SYNE2: variants seen among roughly 807,000 people sequenced by gnomAD.
SYNE2 encodes spectrin repeat containing nuclear envelope protein 2, also known as nesprin-2.
In SYNE2, 431 loss-of-function variants were observed where a neutral mutation model predicts 856.3. The ratio of observed to expected loss-of-function variants is 0.50; its 90% CI spans 0.47 to 0.55. The LOEUF (loss-of-function observed/expected upper bound fraction) is 0.55. SYNE2 is among the 20% of genes least tolerant of loss of function. The probability of loss-of-function intolerance (pLI) is 0.00; values close to 1 mark genes in which losing one functional copy is unlikely to be tolerated. For missense variants in SYNE2, 8,129 were observed against 8,023.2 expected, an observed-to-expected ratio of 1.01 and a Z score of -0.50; for synonymous variants, 2,923 against 2,872.3, an observed-to-expected ratio of 1.02 and a Z score of -0.56.
chr14:63,971,283 T>A (rs891062134), intron 11 of SYNE2, among the ~76,000 whole-genome samples: 4 of 151,958 alleles, frequency 2.6e-5, no homozygotes, highest in African/African-American at 7.3e-5. Context: ...ACTTAATTTC[T>A]TTTGTATTTT....
intron 54 of SYNE2, among the ~76,000 whole-genome samples, chr14:64,077,262 C>T (rs370134108): frequency 1.3e-5 from 2 of 152,076 alleles, no homozygotes; most frequent in East Asian, 3.8e-4. Flanking sequence ...ATGATCTGTC[C>T]TAATGTATCT....
chr14:64,081,432 C>G lies in SYNE2; in HGVS notation c.11347-11C>G. 1.9e-6 allele frequency: 3 copies of G among 1,614,148 alleles called. No individual in the cohort carries two copies. The highest frequency in any genetic ancestry group is 2.5e-6 in the Non-Finnish European group (3 of 1,180,012). On this transcript the variant is annotated splice_polypyrimidine_tract_variant and intron_variant, in intron 56 of 115. Coordinates refer to ENST00000555002, the MANE Select transcript of SYNE2 (RefSeq NM_182914.3). ...CATCTGACTAAGTTTGGTCCTGCAT[C>G]TCTTTCCCAGGCCACAGTTAAGATG...
At chr14:63,780,431 G>A (rs944804863) in intron 1 of SYNE2, among the ~76,000 whole-genome samples, 2 of 152,150 alleles carry the variant, frequency 1.3e-5, no homozygotes, top group Non-Finnish European at 2.9e-5. Flanking sequence ...CTGCTTGGGA[G>A]GCTGAGGCAG....
At chr14:63,885,662 C>T (rs1290863343) in intron 1 of SYNE2, among the ~76,000 whole-genome samples, 14 of 152,124 alleles carry the variant, frequency 9.2e-5, no homozygotes, top group Admixed American at 5.2e-4. Context: ...ACTGCAGTGG[C>T]GTGATCATAG....
intron 1 of SYNE2, among the ~76,000 whole-genome samples, chr14:63,884,830 T>C (rs994609044): frequency 3.3e-5 from 5 of 151,944 alleles, no homozygotes; most frequent in South Asian, 2.1e-4. Context: ...TTAGTAGAGA[T>C]GGGGTTTCAC....
chr14:64,128,734 T>C (rs1188399861), intron 74 of SYNE2, among the ~76,000 whole-genome samples, 181 bp downstream of exon 74: 1 of 152,220 alleles, frequency 6.6e-6, no homozygotes, highest in Non-Finnish European at 1.5e-5. Context: ...AAGCACAATG[T>C]ATTAAAACAA....
At chr14:63,885,454 A>AGGAT (rs1297392391) in intron 1 of SYNE2, among the ~76,000 whole-genome samples, 2 of 152,170 alleles carry the variant, frequency 1.3e-5, no homozygotes, top group Non-Finnish European at 2.9e-5. Flanking sequence ...CCTTCTCTGA[A>AGGAT]GGATGGCACT....
chr14:64,087,549 A>T, intron 57 of SYNE2, 122 bp from the exon 58 acceptor site: 5 of 1,066,100 alleles, frequency 4.7e-6, no homozygotes. Flanking sequence ...TTCATTATCG[A>T]ACTAGAAATG....
chr14:64,196,858 A>C (rs1007290244), intron 99 of SYNE2: 3 of 152,286 alleles, frequency 2.0e-5, no homozygotes, highest in Non-Finnish European at 4.4e-5. Flanking sequence ...ACTGAGATTA[A>C]AAATTGCAGT....
In SYNE2 at chr14:64,053,561, A is replaced by C. The variant is rs2097243852; in HGVS notation, c.9648A>C (p.Arg3216Ser). 3.7e-6 allele frequency: 6 copies of C among 1,614,130 alleles called. No homozygotes were observed. Among genetic ancestry groups the C allele is most frequent in the Non-Finnish European group, 3.4e-6 (4 of 1,180,048 alleles). The change falls in exon 48 of 116, where the codon AGA becomes AGC. Residue 3216 changes from arginine (R) to serine (S), a missense_variant. Arg to Ser is a moderately radical substitution (Grantham distance 110). Around this residue, in one of 3 missense-constraint regions of SYNE2, gnomAD observed 5,410 missense variants for 5,284.8 expected, o/e 1.02. Coordinates refer to ENST00000555002, the MANE Select transcript of SYNE2 (RefSeq NM_182914.3). ...IKAVTAIEKQ[R>S]EENSSEASDV... ...CTGTGACTGCTATTGAGAAACAAAG[A>C]GAAGAAAACTCTTCTGAAGCGAGTG... is the stretch of plus-strand genomic sequence containing the variant.
At chr14:64,029,752 A>G (rs1277885972) in intron 43 of SYNE2, 143 bp from the exon 44 acceptor site, 3 of 1,032,578 alleles carry the variant, frequency 2.9e-6, no homozygotes, top group Non-Finnish European at 4.3e-6. Flanking sequence ...CCAACTCTAA[A>G]ATCTTTAGAA....
intron 1 of SYNE2, among the ~76,000 whole-genome samples, chr14:63,774,499 CA>C (rs1202141629): frequency 7.0e-5 from 10 of 142,826 alleles, no homozygotes; most frequent in Admixed American, 6.3e-4. Flanking sequence ...AAAAAAGAAA[CA>C]AAAAAAGAAA....
At chr14:63,801,114 G>A (rs983124766) in intron 1 of SYNE2, among the ~76,000 whole-genome samples, 3 of 152,066 alleles carry the variant, frequency 2.0e-5, no homozygotes, top group Admixed American at 1.3e-4. Flanking sequence ...CTCTATGCCT[G>A]AAGTTATATG....
intron 23 of SYNE2, among the ~76,000 whole-genome samples, chr14:63,995,730 CATCTATCTATCTATCTATCT>C (rs373410347): frequency 1.5e-4 from 17 of 113,528 alleles, no homozygotes; most frequent in African/African-American, 7.0e-4. Flanking sequence ...TATATCTATC[CATCTATCTATCTATCTATCT>C]ATCTATCTAT....
intron 2 of SYNE2, among the ~76,000 whole-genome samples, chr14:63,920,128 T>C (rs1227914625): frequency 2.6e-5 from 4 of 152,082 alleles, no homozygotes; most frequent in Admixed American, 2.6e-4. Flanking sequence ...ATAAGGACTG[T>C]GCTGAGCACA....
chr14:63,893,719 G>C (rs565931881), intron 1 of SYNE2, among the ~76,000 whole-genome samples: 1 of 152,288 alleles, frequency 6.6e-6, no homozygotes, highest in South Asian at 2.1e-4. Context: ...CTTCTCACAG[G>C]ACTAGAATCT....
Position 64,152,624 on chromosome 14 carries a change from C to G in SYNE2, c.15700C>G (p.Leu5234Val). 1.2e-6 allele frequency: 2 copies of G among 1,614,072 alleles called. No homozygotes were observed. The highest frequency in any genetic ancestry group is 1.7e-6 in the Non-Finnish European group (2 of 1,179,958). Reference sequence around the variant, plus strand: ...ACTAGATGAGTTGAAACAAAGTTATCTGACTTTGGAGAGTGGGGCAGTGCC... The same window carrying G: ...ACTAGATGAGTTGAAACAAAGTTATGTGACTTTGGAGAGTGGGGCAGTGCC... ...KALDELKQSY[L>V]TLESGAVPLL... Residue 5234 changes from leucine (L) to valine (V), a missense_variant, in exon 85 of 116, where the codon CTG becomes GTG. Coordinates refer to ENST00000555002, the MANE Select transcript of SYNE2 (RefSeq NM_182914.3).
chr14:63,953,531 TAGAGAGAGAGAG>T (rs71123822), intron 7 of SYNE2, among the ~76,000 whole-genome samples: 36 of 148,876 alleles, frequency 2.4e-4, no homozygotes, highest in South Asian at 1.3e-3. Context: ...AATAGATAGA[TAGAGAGAGAGAG>T]AGATAGATAG....
chr14:63,777,669 A>G (rs1488209158), intron 1 of SYNE2, among the ~76,000 whole-genome samples: 2 of 152,134 alleles, frequency 1.3e-5, no homozygotes, highest in African/African-American at 2.4e-5. Context: ...CCCACATACA[A>G]TAATAATATA....
Sources: allele counts gnomAD v4.1 joint callset (sites outside exome capture counted in the v4.1 genomes callset), GRCh38; gene constraint gnomAD v4.1.1; regional missense constraint gnomAD v4.1.1; transcripts MANE v1.5; gene names NCBI Gene and HGNC (gene_info 2026-07-23, HGNC 2026-07-21).